The following TSNAX variants were observed in gnomAD, a reference collection of about 807,000 sequenced individuals.
TSNAX encodes the protein translin associated factor X, also known as translin-associated protein X.
Under a neutral mutation model 33.0 loss-of-function variants are expected in TSNAX, and 12 were observed. The ratio of observed to expected loss-of-function variants is 0.36; its 90% CI spans 0.23 to 0.59. The LOEUF is 0.59. TSNAX is among the 20% of genes least tolerant of loss of function. The pLI, the probability that TSNAX is intolerant of heterozygous loss-of-function variation, is 0.74. For synonymous variants in TSNAX, 110 were observed against 117.2 expected (o/e 0.94, Z 0.40); for missense variants, 267 against 341.3 (o/e 0.78, Z 1.72).
At chr1:231,549,313 G>A (rs745907071) in intron 4 of TSNAX, among the ~76,000 whole-genome samples, 5 of 152,188 alleles carry the variant, frequency 3.3e-5, no homozygotes, top group Middle Eastern at 3.4e-3. Context: ...ACATGGTGGC[G>A]TGCACCTGAG....
intron 3 of TSNAX, 145 bp from the exon 4 acceptor site, chr1:231,542,336 C>T (rs1659631119): frequency 1.4e-6 from 1 of 740,522 alleles, no homozygotes; most frequent in South Asian, 2.4e-5. Context: ...TCATGTTCTC[C>T]ATACTATGAA....
At chr1:231,532,293 G>C (rs1412519947) in intron 2 of TSNAX, among the ~76,000 whole-genome samples, 3 of 151,036 alleles carry the variant, frequency 2.0e-5, no homozygotes, top group Non-Finnish European at 4.4e-5. Context: ...TTGGGCTCAA[G>C]TGATCCTCCC....
chr1:231,554,891 C>T (rs894180575), intron 4 of TSNAX, among the ~76,000 whole-genome samples: 1 of 152,194 alleles, frequency 6.6e-6, no homozygotes, highest in Non-Finnish European at 1.5e-5. Context: ...TTCTTAACTT[C>T]TCTATGCCTC....
intron 3 of TSNAX, among the ~76,000 whole-genome samples, chr1:231,540,996 A>G (rs1572112940): frequency 6.6e-6 from 1 of 152,096 alleles, no homozygotes; most frequent in East Asian, 1.9e-4. Flanking sequence ...TTGTGTTTAT[A>G]TTTAACATGG....
chr1:231,555,897 A>G (rs903172936), intron 4 of TSNAX, among the ~76,000 whole-genome samples: 3 of 152,264 alleles, frequency 2.0e-5, no homozygotes, highest in South Asian at 2.1e-4. Flanking sequence ...GCAAGAGTAG[A>G]AATGGAGCTA....
intron 4 of TSNAX, 33 bp from the exon 5 acceptor site, chr1:231,561,095 T>C (rs1348061180): frequency 1.3e-6 from 2 of 1,596,556 alleles, no homozygotes; most frequent in African/African-American, 1.4e-5. Context: ...ATTAAGTGCT[T>C]ATTCTTAGTA....
chr1:231,530,509 A>G (rs1005399559), intron 2 of TSNAX, among the ~76,000 whole-genome samples: 2 of 152,054 alleles, frequency 1.3e-5, no homozygotes, highest in Non-Finnish European at 2.9e-5. Context: ...CCTGGCCAAC[A>G]TGGTGAAACC....
chr1:231,554,187 A>G (rs1006267572), intron 4 of TSNAX, among the ~76,000 whole-genome samples: 1 of 152,224 alleles, frequency 6.6e-6, no homozygotes, highest in African/African-American at 2.4e-5. Context: ...TCCCTATTAA[A>G]AAATAAATCA....
intron 4 of TSNAX, among the ~76,000 whole-genome samples, chr1:231,544,411 A>C (rs1009301383): frequency 6.6e-6 from 1 of 152,236 alleles, no homozygotes. Flanking sequence ...AGCTGATCAC[A>C]GTAGTTCTCA....
chr1:231,534,094 A>G (rs1466590898), intron 2 of TSNAX: 1 of 152,186 alleles, frequency 6.6e-6, no homozygotes, highest in African/African-American at 2.4e-5. Flanking sequence ...TGACAATGAT[A>G]TTGATTGAAG....
At chr1:231,563,918 TTTTTTA>T (rs1014170334) in intron 5 of TSNAX, among the ~76,000 whole-genome samples, 3 of 152,184 alleles carry the variant, frequency 2.0e-5, no homozygotes, top group African/African-American at 4.8e-5. Flanking sequence ...ATTACCATTT[TTTTTTA>T]ACTCAGTGAG....
chr1:231,539,461 G>A (rs537632264), intron 3 of TSNAX, among the ~76,000 whole-genome samples: 2 of 152,050 alleles, frequency 1.3e-5, no homozygotes, highest in South Asian at 4.1e-4. Context: ...AGAAAGTTTT[G>A]GATTTTGGAG....
chr1:231,558,131 T>C (rs551895354), intron 4 of TSNAX, among the ~76,000 whole-genome samples: 1 of 152,192 alleles, frequency 6.6e-6, no homozygotes, highest in East Asian at 1.9e-4. Flanking sequence ...GCAGAGACAT[T>C]TGCTGAGCTG....
intron 4 of TSNAX, among the ~76,000 whole-genome samples, chr1:231,559,421 C>T (rs976562733): frequency 6.6e-6 from 1 of 152,072 alleles, no homozygotes; most frequent in African/African-American, 2.4e-5. Context: ...CCCCACCTCC[C>T]GGGTTCACGC....
At chr1:231,540,397 AC>A (rs1262725080) in intron 3 of TSNAX, among the ~76,000 whole-genome samples, 1 of 152,184 alleles carries the variant, frequency 6.6e-6, no homozygotes, top group Non-Finnish European at 1.5e-5. Context: ...TTTTGATTTC[AC>A]CTTTGACCCA....
In TSNAX at chr1:231,562,536, C is replaced by T. The variant is rs560172487; in HGVS notation, c.495+1281C>T. On this transcript the variant is annotated intron_variant, in intron 5 of 5. Transcript: ENST00000366639. ...AGTAAAGTAGGTCTATTTGACCCTG[C>T]TTCTCACGTGATATTAGGGAAGTTA... is the stretch of plus-strand genomic sequence containing the variant. 2.0e-4 allele frequency among the ~76,000 whole-genome samples: 30 copies of T among 152,210 alleles called. No individual in the cohort carries two copies. In the South Asian group the frequency reaches 6.0e-3, roughly 31 times the overall value.
In TSNAX at chr1:231,565,827, A is replaced by G. The variant is rs894109843; in HGVS notation, c.*922A>G. 3 of 152,190 alleles carry G rather than the reference A, an allele frequency of 2.0e-5. No homozygotes were observed. Among genetic ancestry groups the G allele is most frequent in the Admixed American group, 2.0e-4 (3 of 15,286 alleles). 9.4% of individuals were successfully genotyped at this position (152,190 alleles called of 1,614,324 possible). A position where few individuals can be genotyped will look rare whatever the true frequency, so the allele number is the denominator to read the frequency against. On this transcript the variant is annotated 3_prime_UTR_variant, in exon 6 of 6. Transcript: ENST00000366639. The stretch of plus-strand genomic sequence containing the variant: ...AGCCATTTAAAATTTATATAAAACA[A>G]CCTTCCATAAAAATTTGACAGGTGC...
rs1221836844 is a variant in TSNAX, at chr1:231,565,519, A to T, written c.*614A>T. The T allele has an allele frequency of 6.6e-6, 1 of 152,414 alleles. No individual in the cohort carries two copies. Among genetic ancestry groups the T allele is most frequent in the African/African-American group, 2.4e-5 (1 of 41,446 alleles). 9.4% of individuals were successfully genotyped at this position (152,414 alleles called of 1,614,324 possible). The stretch of plus-strand genomic sequence containing the variant: ...GGTAGGCAGATCACGAGGTCAAGAG[A>T]TCAAGACCAGCCTGACCAACGTGGC... On this transcript the variant is annotated 3_prime_UTR_variant, in exon 6 of 6. Transcript: ENST00000366639.
chr1:231,559,916 C>T (rs1362166473), intron 4 of TSNAX, among the ~76,000 whole-genome samples: 1 of 151,208 alleles, frequency 6.6e-6, no homozygotes, highest in African/African-American at 2.4e-5. Flanking sequence ...CACTTACCTA[C>T]ATTAGTTAAA....
Sources: gnomAD v4.1 joint callset for allele counts (sites outside exome capture counted in the v4.1 genomes callset) on GRCh38, gnomAD v4.1.1 for gene constraint, MANE v1.5 for transcripts, NCBI Gene and HGNC (gene_info 2026-07-23, HGNC 2026-07-21) for gene names.